The following RALYL variants were observed in gnomAD, a reference collection of about 807,000 sequenced individuals.
RALYL encodes RALY RNA binding protein like, also known as RNA-binding Raly-like protein.
RALYL carries 29 observed loss-of-function variants against 35.1 expected under a neutral mutation model. The ratio of observed to expected loss-of-function variants is 0.83; its 90% CI spans 0.61 to 1.13. The LOEUF is 1.13. Ranked by LOEUF, RALYL falls within the 50% of genes most tolerant of loss-of-function variation. The pLI is 0.00. For synonymous variants in RALYL, 120 were observed against 127.6 expected (o/e 0.94, Z 0.40); for missense variants, 359 against 360.4 (o/e 1.00, Z 0.03).
intron 1 of RALYL, among the ~76,000 whole-genome samples, chr8:84,354,728 A>G (rs1266617790): frequency 6.6e-6 from 1 of 150,406 alleles, no homozygotes; most frequent in African/African-American, 2.5e-5. Flanking sequence ...AGCTGAGCAA[A>G]GGAAGAGTCC....
chr8:84,426,114 T>C (rs1393460423), intron 1 of RALYL, among the ~76,000 whole-genome samples: 1 of 152,144 alleles, frequency 6.6e-6, no homozygotes, highest in Non-Finnish European at 1.5e-5. Flanking sequence ...GTAATGTGTG[T>C]ATTTAAGGTA....
intron 1 of RALYL, among the ~76,000 whole-genome samples, chr8:84,438,670 G>A (rs979388316): frequency 6.6e-6 from 1 of 151,998 alleles, no homozygotes; most frequent in African/African-American, 2.4e-5. Flanking sequence ...GGGATTAAAG[G>A]CATGAGACAC....
At chr8:84,493,855 C>T (rs980833732) in intron 1 of RALYL, among the ~76,000 whole-genome samples, 9 of 152,022 alleles carry the variant, frequency 5.9e-5, no homozygotes, top group Non-Finnish European at 1.3e-4. Context: ...CTGTAGGTCA[C>T]CTGTTCACTC....
intron 2 of RALYL, among the ~76,000 whole-genome samples, chr8:84,620,561 A>G (rs1821102838): frequency 1.3e-5 from 2 of 152,192 alleles, no homozygotes; most frequent in Admixed American, 6.5e-5. Flanking sequence ...AGCTCAGAGT[A>G]ATTTGATCAT....
At chr8:84,463,516 G>T (rs953289533) in intron 1 of RALYL, among the ~76,000 whole-genome samples, 1 of 151,934 alleles carries the variant, frequency 6.6e-6, no homozygotes, top group Admixed American at 6.6e-5. Flanking sequence ...TTATACCAAG[G>T]TATCCAAAGA....
At chr8:84,488,439 G>A (rs2054888536) in intron 1 of RALYL, among the ~76,000 whole-genome samples, 1 of 151,992 alleles carries the variant, frequency 6.6e-6, no homozygotes, top group South Asian at 2.1e-4. Context: ...TTTTCAAAAT[G>A]TCTCTGCATC....
At chr8:84,777,892 C>T (rs748231577) in intron 3 of RALYL, among the ~76,000 whole-genome samples, 1 of 152,290 alleles carries the variant, frequency 6.6e-6, no homozygotes, top group East Asian at 1.9e-4. Context: ...CCGCCCACTT[C>T]GGCCTCCCAA....
At chr8:84,688,080 T>C (rs987295888) in intron 2 of RALYL, among the ~76,000 whole-genome samples, 4 of 151,948 alleles carry the variant, frequency 2.6e-5, no homozygotes, top group Admixed American at 6.6e-5. Context: ...CCTCCCCCAA[T>C]TGCCATTGAT....
intron 2 of RALYL, among the ~76,000 whole-genome samples, chr8:84,552,338 GTATATATATA>G (rs779399854): frequency 3.7e-4 from 27 of 73,936 alleles, no homozygotes; most frequent in African/African-American, 1.5e-3. Flanking sequence ...GGATGTGTGT[GTATATATATA>G]TATATATATA....
chr8:84,556,017 A>T (rs543786230), intron 2 of RALYL, among the ~76,000 whole-genome samples: 1 of 152,340 alleles, frequency 6.6e-6, no homozygotes, highest in Admixed American at 6.5e-5. Context: ...CCTCTACAGC[A>T]TGTCTGTATG....
At chr8:84,419,079 G>C (rs1357394402) in intron 1 of RALYL, among the ~76,000 whole-genome samples, 1 of 152,120 alleles carries the variant, frequency 6.6e-6, no homozygotes, top group Non-Finnish European at 1.5e-5. Context: ...AAGATAAGGT[G>C]AAAAGAGGAT....
chr8:84,721,842 C>T (rs28690245), intron 2 of RALYL, among the ~76,000 whole-genome samples: 10,163 of 152,136 alleles, frequency 0.067, 786 homozygotes, highest in African/African-American at 0.19. Flanking sequence ...TTAGAATGGT[C>T]ATATAACATA....
At chr8:84,438,608 T>C (rs2047993909) in intron 1 of RALYL, among the ~76,000 whole-genome samples, 2 of 152,072 alleles carry the variant, frequency 1.3e-5, no homozygotes, top group Non-Finnish European at 2.9e-5. Context: ...CCCAGGCTGG[T>C]CTCAGATTCC....
At chr8:84,913,377 A>C (rs1401983517) in intron 8 of RALYL, among the ~76,000 whole-genome samples, 1 of 152,090 alleles carries the variant, frequency 6.6e-6, no homozygotes, top group Non-Finnish European at 1.5e-5. Context: ...AGATTTGTTC[A>C]CAAAAATCTA....
At chr8:84,475,866 T>C (rs1276213463) in intron 1 of RALYL, among the ~76,000 whole-genome samples, 1 of 152,144 alleles carries the variant, frequency 6.6e-6, no homozygotes, top group Non-Finnish European at 1.5e-5. Flanking sequence ...ATATATGATA[T>C]ATAAAAATAC....
At chr8:84,326,486 A>G (rs181902542) in intron 1 of RALYL, among the ~76,000 whole-genome samples, 2 of 152,326 alleles carry the variant, frequency 1.3e-5, no homozygotes, top group African/African-American at 4.8e-5. Flanking sequence ...AATCCCTACA[A>G]TGGGTAGACA....
intron 1 of RALYL, among the ~76,000 whole-genome samples, chr8:84,222,874 T>C (rs571492179): frequency 1.3e-5 from 2 of 152,230 alleles, no homozygotes; most frequent in African/African-American, 4.8e-5. Flanking sequence ...AAATATACTC[T>C]GTTCAAATAA....
intron 2 of RALYL, among the ~76,000 whole-genome samples, chr8:84,693,615 A>G (rs1302363281): frequency 1.3e-5 from 2 of 151,940 alleles, no homozygotes; most frequent in Non-Finnish European, 2.9e-5. Context: ...GACGCATTTT[A>G]TGAGGCCAGC....
chr8:84,522,566 A>G (rs2058548476), intron 1 of RALYL, among the ~76,000 whole-genome samples: 1 of 152,032 alleles, frequency 6.6e-6, no homozygotes, highest in Non-Finnish European at 1.5e-5. Context: ...GAAAATTTTT[A>G]TAATATTGTT....
Sources: allele counts gnomAD v4.1 joint callset (sites outside exome capture counted in the v4.1 genomes callset), GRCh38; gene constraint gnomAD v4.1.1; transcripts MANE v1.5; gene names NCBI Gene and HGNC (gene_info 2026-07-23, HGNC 2026-07-21).